ATP8A2: variants seen among roughly 807,000 people sequenced by gnomAD.
ATP8A2 encodes ATPase phospholipid transporting 8A2.
Under a neutral mutation model 165.6 loss-of-function variants are expected in ATP8A2, and 100 were observed. The ratio of observed to expected loss-of-function variants is 0.60; its 90% CI spans 0.51 to 0.71. The LOEUF is 0.71. Among genes scored for constraint, ATP8A2 ranks in the 30% least tolerant of loss-of-function variants. The pLI is 0.00. For missense variants in ATP8A2, 1,227 were observed against 1,479.5 expected, an observed-to-expected ratio of 0.83 and a Z score of 2.80; for synonymous variants, 543 against 548.8, an observed-to-expected ratio of 0.99 and a Z score of 0.15.
Position 25,465,276 on chromosome 13 carries a change from G to A in ATP8A2, c.77-3701G>A, listed in dbSNP as rs934761525. Among the ~76,000 whole-genome samples, 4 of 152,126 alleles carry A rather than the reference G, an allele frequency of 2.6e-5. No homozygotes were observed. In the South Asian group the frequency reaches 6.2e-4, roughly 24 times the overall value. ...TTTTTTTCTAATACAGGGTTAGGTT[G>A]AGATGAGGCCACTGAGGTAGAAAGA... On this transcript the variant is annotated intron_variant, in intron 1 of 36. Coordinates refer to ENST00000381655, the MANE Select transcript of ATP8A2 (RefSeq NM_016529.6).
chr13:25,714,444 G>A (rs1166193026), intron 25 of ATP8A2, among the ~76,000 whole-genome samples: 1 of 152,054 alleles, frequency 6.6e-6, no homozygotes, highest in Non-Finnish European at 1.5e-5. Context: ...GCTTTATTTT[G>A]CTTGATAGCA....
chr13:25,876,275 G>A (rs1290174444), intron 33 of ATP8A2, among the ~76,000 whole-genome samples: 1 of 152,186 alleles, frequency 6.6e-6, no homozygotes, highest in African/African-American at 2.4e-5. Context: ...GATTTCAGTG[G>A]CAAGTAAAGC....
chr13:25,769,689 A>G (rs987128353), intron 26 of ATP8A2, among the ~76,000 whole-genome samples: 70 of 3,634 alleles, frequency 0.019, no homozygotes, highest in African/African-American at 0.02. Context: ...GTCAGGGAGA[A>G]GCAGTGATTA....
rs576391243 is a variant in ATP8A2, at chr13:25,727,090, G to A, written c.2384+27745G>A. On this transcript the variant is annotated intron_variant, in intron 25 of 36. Coordinates refer to ENST00000381655, the MANE Select transcript of ATP8A2 (RefSeq NM_016529.6). ...CATGCATGCACGTGATGTAGAGCTG[G>A]GGTAAGCAAGCCGCAGAGCAAACCT... 1.8e-4 allele frequency among the ~76,000 whole-genome samples: 27 copies of A among 152,236 alleles called. No individual in the cohort carries two copies. In the South Asian group the frequency reaches 5.4e-3, roughly 30 times the overall value.
intron 24 of ATP8A2, among the ~76,000 whole-genome samples, chr13:25,616,285 A>G (rs544899044): frequency 1.6e-4 from 24 of 147,792 alleles, no homozygotes; most frequent in Admixed American, 1.5e-3. Context: ...CCTTATTTCT[A>G]TCCTTTAGTG....
intron 27 of ATP8A2, among the ~76,000 whole-genome samples, chr13:25,777,717 G>T (rs2044773355): frequency 6.6e-6 from 1 of 152,200 alleles, no homozygotes. Flanking sequence ...CCATTATTAT[G>T]AGGATCATTA....
In ATP8A2 at chr13:25,454,900, C is replaced by T. The variant is rs964036685; in HGVS notation, c.77-14077C>T. 6.6e-5 allele frequency among the ~76,000 whole-genome samples: 10 copies of T among 152,238 alleles called. No homozygotes were observed. In the East Asian group the frequency reaches 1.2e-3, roughly 18 times the overall value. ...TCACGCCACTGTACTCCAGCCTCGC[C>T]GACAGAGTGAGACTCCGTCTCAAAA... is the stretch of plus-strand genomic sequence containing the variant. On this transcript the variant is annotated intron_variant, in intron 1 of 36. Transcript: ENST00000381655.
intron 34 of ATP8A2, among the ~76,000 whole-genome samples, chr13:25,964,027 G>A (rs1054995270): frequency 6.6e-6 from 1 of 152,228 alleles, no homozygotes; most frequent in Non-Finnish European, 1.5e-5. Context: ...GGAGGTGCCC[G>A]CAGGGCAAGC....
chr13:25,754,894 T>C (rs551878516), intron 25 of ATP8A2, among the ~76,000 whole-genome samples: 3 of 152,302 alleles, frequency 2.0e-5, no homozygotes, highest in Middle Eastern at 6.8e-3. Flanking sequence ...TTTTCAAAAT[T>C]TGTTTTATGT....
chr13:25,598,995 G>A (rs1325967654), intron 24 of ATP8A2, among the ~76,000 whole-genome samples: 2 of 151,928 alleles, frequency 1.3e-5, no homozygotes, highest in East Asian at 3.9e-4. Flanking sequence ...GTCAGTGCTG[G>A]AACTTAAGTA....
At chr13:25,655,375 G>A (rs952533761) in intron 24 of ATP8A2, among the ~76,000 whole-genome samples, 2 of 152,146 alleles carry the variant, frequency 1.3e-5, no homozygotes, top group Non-Finnish European at 2.9e-5. Context: ...GGCCAGGCTG[G>A]TCTCGAACTC....
At chr13:25,632,868 C>A (rs1054474910) in intron 24 of ATP8A2, among the ~76,000 whole-genome samples, 1 of 152,212 alleles carries the variant, frequency 6.6e-6, no homozygotes, top group Non-Finnish European at 1.5e-5. Context: ...GCTCTGCTCA[C>A]CCCTCTGAGC....
chr13:25,483,678 ATTGT>A (rs985080004), intron 2 of ATP8A2, among the ~76,000 whole-genome samples: 35 of 152,324 alleles, frequency 2.3e-4, no homozygotes, highest in African/African-American at 7.2e-4. Context: ...AGGCAGGAAG[ATTGT>A]TTGAGGCTAG....
chr13:25,784,399 A>G (rs1164811837), intron 27 of ATP8A2, among the ~76,000 whole-genome samples: 3 of 152,332 alleles, frequency 2.0e-5, no homozygotes, highest in East Asian at 3.9e-4. Flanking sequence ...AGCCCACTTC[A>G]CCTCACGAAT....
chr13:25,911,667 G>A (rs113496198), intron 33 of ATP8A2, among the ~76,000 whole-genome samples: 3,487 of 152,250 alleles, frequency 0.023, 125 homozygotes, highest in African/African-American at 0.079. Flanking sequence ...TGGAGACGCC[G>A]CAGAATGTTG....
intron 1 of ATP8A2, among the ~76,000 whole-genome samples, chr13:25,463,704 A>C (rs1447700905): frequency 1.3e-5 from 2 of 152,238 alleles, no homozygotes; most frequent in Non-Finnish European, 2.9e-5. Flanking sequence ...AAACATGACC[A>C]ATCATGTGGT....
chr13:25,705,909 A>G (rs1466318128), intron 25 of ATP8A2, among the ~76,000 whole-genome samples: 1 of 152,256 alleles, frequency 6.6e-6, no homozygotes, highest in African/African-American at 2.4e-5. Context: ...GTGTTCTGTT[A>G]TATGAAAACA....
intron 24 of ATP8A2, among the ~76,000 whole-genome samples, chr13:25,679,856 ATTG>A (rs1437208271): frequency 3.3e-5 from 5 of 151,836 alleles, no homozygotes; most frequent in Admixed American, 1.3e-4. Flanking sequence ...GAGAACATAG[ATTG>A]TTGATTGCGG....
intron 33 of ATP8A2, among the ~76,000 whole-genome samples, chr13:25,876,260 C>T (rs1017833596): frequency 1.3e-5 from 2 of 152,018 alleles, no homozygotes; most frequent in East Asian, 1.9e-4. Flanking sequence ...TCAGTTGAGG[C>T]GTAGGATTTC....
Sources: gnomAD v4.1 joint callset for allele counts (sites outside exome capture counted in the v4.1 genomes callset) on GRCh38, gnomAD v4.1.1 for gene constraint, MANE v1.5 for transcripts, NCBI Gene and HGNC (gene_info 2026-07-23, HGNC 2026-07-21) for gene names.